The following PAX9 variants were observed in gnomAD, a reference collection of about 807,000 sequenced individuals.
PAX9 encodes the protein paired box protein Pax-9.
Under a neutral mutation model 29.1 loss-of-function variants are expected in PAX9, and 6 were observed. The ratio of observed to expected loss-of-function variants is 0.21; its 90% CI spans 0.11 to 0.41. PAX9 has a LOEUF of 0.41. Ranked by LOEUF, PAX9 falls within the 10% of genes least tolerant of loss-of-function variation. The pLI, the probability that PAX9 is intolerant of heterozygous loss-of-function variation, is 1.00. For synonymous variants in PAX9, 217 were observed against 211.7 expected (o/e 1.03, Z -0.22); for missense variants, 443 against 479.1 (o/e 0.92, Z 0.70).
Position 36,662,818 on chromosome 14 carries a change from T to A in PAX9, c.5-79T>A. On this transcript the variant is annotated intron_variant, in intron 1 of 3. Coordinates refer to ENST00000361487, the MANE Select transcript of PAX9 (RefSeq NM_001372076.1). ...CGGGTGCGTTCGCCCAGTCCCCGGA[T>A]GCGTAGGGAGGCCCAGTGGCAGGCA... The A allele has an allele frequency of 1.9e-6, 3 of 1,542,438 alleles. No homozygotes were observed. The South Asian group carries it at 3.7e-5, about 19-fold the overall frequency.
Position 36,678,239 on chromosome 14 carries a change from CT to C in PAX9, c.*1788del. On this transcript the variant is annotated 3_prime_UTR_variant, in exon 4 of 4. Coordinates refer to ENST00000361487, the MANE Select transcript of PAX9 (RefSeq NM_001372076.1). ...CTAGATTAGTTAGGTTTTCAAATCA[CT>C]AGGATGTAAACAGTAAGCAGATTTC... 1 of 531,516 alleles carries C rather than the reference CT, an allele frequency of 1.9e-6. No homozygotes were observed. Among genetic ancestry groups the C allele is most frequent in the South Asian group, 2.8e-5 (1 of 35,098 alleles). 32.9% of individuals were successfully genotyped at this position (531,516 alleles called of 1,614,324 possible).
chr14:36,674,817 A>G (rs1881824037), intron 3 of PAX9, among the ~76,000 whole-genome samples: 1 of 152,252 alleles, frequency 6.6e-6, no homozygotes, highest in Admixed American at 6.5e-5. Context: ...GCATAGACAC[A>G]AGGCTAACCC....
chr14:36,674,742 T>C (rs1234213681), intron 3 of PAX9, among the ~76,000 whole-genome samples: 1 of 152,196 alleles, frequency 6.6e-6, no homozygotes, highest in African/African-American at 2.4e-5. Flanking sequence ...TAGCTTCCTT[T>C]CTCTTTCCCT....
upstream of PAX9, chr14:36,657,796 G>C (rs915865833): frequency 6.6e-6 from 1 of 152,270 alleles, no homozygotes. Context: ...AGAGGCTGCC[G>C]GGCTATTCTC....
At chr14:36,666,017 G>C (rs765120571) in intron 2 of PAX9, 56 of 188,644 alleles carry the variant, frequency 3.0e-4, no homozygotes, top group Non-Finnish European at 5.1e-4. Context: ...TAGGTCAGAC[G>C]CTCCTCTCTT....
chr14:36,659,929 G>A (rs905967235), upstream of PAX9, among the ~76,000 whole-genome samples: 2 of 152,182 alleles, frequency 1.3e-5, no homozygotes, highest in African/African-American at 4.8e-5. Flanking sequence ...ATGAGGTCTT[G>A]CCTGTTCGTA....
chr14:36,679,126 A>C lies in PAX9; in HGVS notation c.*2674A>C. ...GGCAGCGCTCTCATTGGATGTAAGA[A>C]TATTACCTGCAAGGATAGAATGCAG... is the stretch of plus-strand genomic sequence containing the variant. On this transcript the variant is annotated 3_prime_UTR_variant, in exon 4 of 4. Transcript: ENST00000361487. The C allele has an allele frequency of 1.0e-6, 1 of 985,430 alleles. No individual in the cohort carries two copies. The highest frequency in any genetic ancestry group is 4.7e-5 in the South Asian group (1 of 21,288). The allele number at this position is 985,430 out of a possible 1,614,324, so 61.0% of individuals were successfully genotyped here. A position where few individuals can be genotyped will look rare whatever the true frequency, so the allele number is the denominator to read the frequency against.
rs974072582 is a variant in PAX9, at chr14:36,663,335, C to T, written c.443C>T (p.Pro148Leu). 2 of 1,614,032 alleles carry T rather than the reference C, an allele frequency of 1.2e-6. No individual in the cohort carries two copies. The highest frequency in any genetic ancestry group is 1.1e-5 in the South Asian group (1 of 91,092). Residue 148 changes from proline (P) to leucine (L), a missense_variant, in exon 2 of 4, where the codon CCG becomes CTG. Transcript: ENST00000361487. ...GHYDSYKQHQ[P>L]TPQPALPYNH... The stretch of plus-strand genomic sequence containing the variant: ...TACGACTCATACAAGCAGCACCAGC[C>T]GACGCCGCAGCCAGCGCTGCCCTAC...
intron 3 of PAX9, among the ~76,000 whole-genome samples, chr14:36,672,526 T>G (rs567134006): frequency 1.3e-5 from 2 of 152,212 alleles, no homozygotes; most frequent in Non-Finnish European, 2.9e-5. Flanking sequence ...ACTAATGTTA[T>G]GTGTCAAAAT....
intron 2 of PAX9, among the ~76,000 whole-genome samples, chr14:36,663,872 G>A (rs566157882): frequency 6.6e-5 from 10 of 152,354 alleles, no homozygotes; most frequent in South Asian, 2.1e-4. Flanking sequence ...GGCTGGACTT[G>A]GGGCGCAGCC....
chr14:36,662,651 C>G, intron 1 of PAX9: 1 of 570,326 alleles, frequency 1.8e-6, no homozygotes. Context: ...GGCCCGGCAT[C>G]TCACCACTTT....
Position 36,679,296 on chromosome 14 carries a change from T to C in PAX9, c.*2844T>C, listed in dbSNP as rs1882075342. ...TACAACAGAAGGCTATGTATGTATA[T>C]ACAGTATGTCAAAAGCCTTTTATTT... On this transcript the variant is annotated 3_prime_UTR_variant, in exon 4 of 4. Coordinates refer to ENST00000361487, the MANE Select transcript of PAX9 (RefSeq NM_001372076.1). 6 of 976,768 alleles carry C rather than the reference T, an allele frequency of 6.1e-6. No homozygotes were observed. The highest frequency in any genetic ancestry group is 3.6e-6 in the Non-Finnish European group (3 of 822,096). The allele number at this position is 976,768 out of a possible 1,614,324, so 60.5% of individuals were successfully genotyped here.
chr14:36,660,870 A>T (rs1170432615), upstream of PAX9, among the ~76,000 whole-genome samples: 3 of 152,276 alleles, frequency 2.0e-5, no homozygotes, highest in Non-Finnish European at 2.9e-5. Flanking sequence ...AAAAGTGAAA[A>T]TTCAGAAGTA....
chr14:36,663,892 C>G (rs905966883), intron 2 of PAX9, among the ~76,000 whole-genome samples: 1 of 152,236 alleles, frequency 6.6e-6, no homozygotes, highest in Non-Finnish European at 1.5e-5. Flanking sequence ...CCGGGAGGCC[C>G]GAGCCTGCTT....
Position 36,661,995 on chromosome 14 carries a change from G to T in PAX9, c.-95G>T. The stretch of plus-strand genomic sequence containing the variant: ...GAAGAAGCGGAGGCGCCGGCGGTCG[G>T]CCGGGATAGCAACAGGCCGGGCCAC... On this transcript the variant is annotated 5_prime_UTR_variant, in exon 1 of 4. Transcript: ENST00000361487. 2.0e-6 allele frequency: 3 copies of T among 1,512,648 alleles called. No individual in the cohort carries two copies. Among genetic ancestry groups the T allele is most frequent in the Middle Eastern group, 4.7e-4 (2 of 4,296 alleles). 93.7% of individuals were successfully genotyped at this position (1,512,648 alleles called of 1,614,324 possible).
At position 36,666,710 on chromosome 14, in the gene PAX9, C is replaced by T. The variant is rs989081792; in HGVS notation, c.771+109C>T. ...GAGCTTCCCGCGAGAGAAGCCCAGGCTGGCGTCCCTTTGCTGCTACGAGCC... is the reference window on the plus strand; with the variant it reads ...GAGCTTCCCGCGAGAGAAGCCCAGGTTGGCGTCCCTTTGCTGCTACGAGCC... On this transcript the variant is annotated intron_variant, in intron 3 of 3. Coordinates refer to ENST00000361487, the MANE Select transcript of PAX9 (RefSeq NM_001372076.1). 7 of 1,375,792 alleles carry T rather than the reference C, an allele frequency of 5.1e-6. No individual in the cohort carries two copies. The African/African-American group carries it at 7.1e-5, about 14-fold the overall frequency. 85.2% of individuals were successfully genotyped at this position (1,375,792 alleles called of 1,614,324 possible).
chr14:36,662,968 C>T lies in PAX9; in HGVS notation c.76C>T (p.Arg26Trp), dbSNP rs28933972. 1 of 1,613,522 alleles carries T rather than the reference C, an allele frequency of 6.2e-7. No homozygotes were observed. The highest frequency in any genetic ancestry group is 8.5e-7 in the Non-Finnish European group (1 of 1,179,976). ...CGGGAGGCCGCTGCCCAACGCCATC[C>T]GGCTTCGCATCGTGGAACTGGCCCA... ...VNGRPLPNAIRLRIVELAQLG... is the reference protein window; with the variant it reads ...VNGRPLPNAIWLRIVELAQLG... Residue 26 changes from arginine (R) to tryptophan (W), a missense_variant, in exon 2 of 4, where the codon CGG (arginine) becomes TGG (tryptophan). Arg to Trp is a moderately radical substitution (Grantham distance 101). Around this residue, in one of 2 missense-constraint regions of PAX9, gnomAD observed 107 missense variants for 161.9 expected, o/e 0.66. Coordinates refer to ENST00000361487, the MANE Select transcript of PAX9 (RefSeq NM_001372076.1).
rs1881970929 is a variant in PAX9, at chr14:36,677,820, A to T, written c.*1368A>T. On this transcript the variant is annotated 3_prime_UTR_variant, in exon 4 of 4. Transcript: ENST00000361487. Reference sequence around the variant, plus strand: ...TTTAACTCATAAACCTTTCTAGACCAATTTATTTTTCACTTTAATGTTAAT... The same window carrying T: ...TTTAACTCATAAACCTTTCTAGACCTATTTATTTTTCACTTTAATGTTAAT... 6.6e-6 allele frequency: 1 copy of T among 152,194 alleles called. No individual in the cohort carries two copies. The highest frequency in any genetic ancestry group is 1.5e-5 in the Non-Finnish European group (1 of 68,026). The allele number at this position is 152,194 out of a possible 1,614,324, so 9.4% of individuals were successfully genotyped here. A position where few individuals can be genotyped will look rare whatever the true frequency, so the allele number is the denominator to read the frequency against.
At position 36,661,992 on chromosome 14, in the gene PAX9, T is replaced by C. The variant is rs2139106374; in HGVS notation, c.-98T>C. 6.7e-7 allele frequency: 1 copy of C among 1,493,500 alleles called. No homozygotes were observed. The highest frequency in any genetic ancestry group is 9.1e-7 in the Non-Finnish European group (1 of 1,095,600). 92.5% of individuals were successfully genotyped at this position (1,493,500 alleles called of 1,614,324 possible). A position where few individuals can be genotyped will look rare whatever the true frequency, so the allele number is the denominator to read the frequency against. ...TGGGAAGAAGCGGAGGCGCCGGCGG[T>C]CGGCCGGGATAGCAACAGGCCGGGC... On this transcript the variant is annotated 5_prime_UTR_variant, in exon 1 of 4. Transcript: ENST00000361487.
Sources: allele counts gnomAD v4.1 joint callset (sites outside exome capture counted in the v4.1 genomes callset), GRCh38; gene constraint gnomAD v4.1.1; regional missense constraint gnomAD v4.1.1; transcripts MANE v1.5; gene names NCBI Gene and HGNC (gene_info 2026-07-23, HGNC 2026-07-21).